The following NDUFA11 variants were observed in gnomAD, a reference collection of about 807,000 sequenced individuals.
The protein encoded by NDUFA11 is NADH:ubiquinone oxidoreductase subunit A11.
In NDUFA11, 14 loss-of-function variants were observed where a neutral mutation model predicts 11.3. That is an observed-to-expected ratio of 1.24 (90% CI 0.82 to 1.94). NDUFA11 has a LOEUF of 1.94. NDUFA11 is among the 30% of genes most tolerant of loss of function. The pLI, the probability that NDUFA11 is intolerant of heterozygous loss-of-function variation, is 0.00. For missense variants in NDUFA11, 204 were observed against 200.3 expected (o/e 1.02, Z -0.11); for synonymous variants, 87 against 85.6 (o/e 1.02, Z -0.09).
Position 5,903,672 on chromosome 19 carries a change from G to A in NDUFA11, c.37C>T (p.Pro13Ser), listed in dbSNP as rs2057660172. 1.3e-6 allele frequency: 2 copies of A among 1,551,424 alleles called. No individual in the cohort carries two copies. Among genetic ancestry groups the A allele is most frequent in the African/African-American group, 1.4e-5 (1 of 73,066 alleles). Residue 13 changes from proline (P) to serine (S), a missense_variant, in exon 1 of 4, where the codon CCC becomes TCC. Transcript: ENST00000308961. ...TTGCGGTGGCAATCGGTGCCATCGG[G>A]GATATCCCAGTACTGACGAAAAACC... ...PKVFRQYWDIPDGTDCHRKAY... is the reference protein window; with the variant it reads ...PKVFRQYWDISDGTDCHRKAY...
At chr19:5,900,250 C>A (rs1474172323) in intron 1 of NDUFA11, among the ~76,000 whole-genome samples, 1 of 152,200 alleles carries the variant, frequency 6.6e-6, no homozygotes, top group African/African-American at 2.4e-5. Flanking sequence ...ACAGTGACCG[C>A]CAGACCCAGT....
intron 1 of NDUFA11, among the ~76,000 whole-genome samples, chr19:5,900,301 TC>T (rs1216345785): frequency 6.6e-6 from 1 of 152,226 alleles, no homozygotes; most frequent in Non-Finnish European, 1.5e-5. Flanking sequence ...ACTCATTCAT[TC>T]ATTCACAAAG....
chr19:5,902,855 A>G (rs1272804001), intron 1 of NDUFA11, among the ~76,000 whole-genome samples: 2 of 152,112 alleles, frequency 1.3e-5, no homozygotes, highest in Admixed American at 1.3e-4. Context: ...CTAAAAATAC[A>G]AAATAATTAG....
chr19:5,901,967 G>A (rs530398019), intron 1 of NDUFA11, among the ~76,000 whole-genome samples: 9 of 146,542 alleles, frequency 6.1e-5, no homozygotes, highest in South Asian at 2.2e-4. Context: ...CACCGCGCCC[G>A]GCTGGTTTTG....
Position 5,894,686 on chromosome 19 carries a change from A to G in NDUFA11, c.*56T>C, listed in dbSNP as rs765727153. The G allele has an allele frequency of 7.4e-5, 117 of 1,588,668 alleles. No individual in the cohort carries two copies. Among genetic ancestry groups the G allele is most frequent in the Non-Finnish European group, 9.6e-5 (112 of 1,167,776 alleles). The stretch of plus-strand genomic sequence containing the variant: ...TCCGGACACTGACACACACACAGAC[A>G]CAGAATTTATTTCTGGACGCATTCT... On this transcript the variant is annotated 3_prime_UTR_variant, in exon 4 of 4. Coordinates refer to ENST00000308961, the MANE Select transcript of NDUFA11 (RefSeq NM_175614.5).
chr19:5,892,909 G>A (rs1357602690), downstream of NDUFA11: 3 of 1,437,230 alleles, frequency 2.1e-6, no homozygotes, highest in Non-Finnish European at 2.7e-6. Flanking sequence ...GACAGAACAA[G>A]GAAAGAATCA....
At chr19:5,892,761 A>G, downstream of NDUFA11, 2 of 1,010,162 alleles carry the variant, frequency 2.0e-6, no homozygotes, top group Non-Finnish European at 1.3e-6. Context: ...GGTGCCCTCG[A>G]GTGGATGCGA....
chr19:5,897,626 C>T (rs1041620364), intron 1 of NDUFA11, among the ~76,000 whole-genome samples: 2 of 152,236 alleles, frequency 1.3e-5, no homozygotes, highest in Non-Finnish European at 2.9e-5. Flanking sequence ...GGCTGCCGCC[C>T]CCGCCACCCA....
chr19:5,894,930 C>T lies in NDUFA11; in HGVS notation c.314-76G>A, dbSNP rs79629452. ...AAGACGCTCCACGCCCTGGCCGGTG[C>T]CCACCCTGGGAGCCAGACTGAGACC... On this transcript the variant is annotated intron_variant, in intron 3 of 3. Coordinates refer to ENST00000308961, the MANE Select transcript of NDUFA11 (RefSeq NM_175614.5). 5.2e-4 allele frequency: 782 copies of T among 1,489,628 alleles called. 8 individuals are homozygous for T. The African/African-American group carries it at 9.5e-3, about 18-fold the overall frequency. The allele number at this position is 1,489,628 out of a possible 1,614,324, so 92.3% of individuals were successfully genotyped here.
At chr19:5,893,307 TAAAAAC>T (rs2057589142), downstream of NDUFA11, 4 of 1,058,118 alleles carry the variant, frequency 3.8e-6, no homozygotes, top group Admixed American at 6.3e-5. This position sits in a 1 kb window ranked among gnomAD's most constrained non-coding sequence, Gnocchi z 4.1. Context: ...AAAATAAAAA[TAAAAAC>T]AATTAGCTGG....
Position 5,896,502 on chromosome 19 carries a change from C to G in NDUFA11, c.264G>C (p.Leu88=). 6.4e-7 allele frequency: 1 copy of G among 1,573,534 alleles called. No homozygotes were observed. The highest frequency in any genetic ancestry group is 8.6e-7 in the Non-Finnish European group (1 of 1,159,792). The change falls in exon 3 of 4, where the codon CTG becomes CTC. Residue 88 remains leucine, a synonymous_variant. Transcript: ENST00000308961. This position sits in a 1 kb window ranked among gnomAD's most constrained non-coding sequence, Gnocchi z 5.8. Reference sequence around the variant, plus strand: ...CGGCGCAGCCACCGAGGAAGTAGTTCAGGGGGTCGTCGGGCTTCTCGCGGA... The same window carrying G: ...CGGCGCAGCCACCGAGGAAGTAGTTGAGGGGGTCGTCGGGCTTCTCGCGGA... ...AHVREKPDDP[L]NYFLGGCAGG...
chr19:5,894,970 C>T, intron 3 of NDUFA11, 116 bp from the exon 4 acceptor site: 2 of 1,161,338 alleles, frequency 1.7e-6, no homozygotes, highest in Non-Finnish European at 2.4e-6. Flanking sequence ...ACAGGACACT[C>T]TCTTCAGGGA....
rs139533672 is a variant in NDUFA11 at position 5,894,810 on chromosome 19, T to C, written c.358A>G (p.Ile120Val). ...IGAAACVYFG[I>V]AASLVKMGRL... ...CCCATCTTGACCAGGGAGGCCGCTATGCCAAAGTACACGCAGGCGGCGGCG... is the reference window on the plus strand; with the variant it reads ...CCCATCTTGACCAGGGAGGCCGCTACGCCAAAGTACACGCAGGCGGCGGCG... Residue 120 changes from isoleucine to valine, a missense_variant, in exon 4 of 4, where the codon ATA becomes GTA. Physicochemically the swap from Ile to Val is conservative, Grantham distance 29. Transcript: ENST00000308961. The C allele has an allele frequency of 1.2e-5, 19 of 1,613,436 alleles. No homozygotes were observed. In the African/African-American group the frequency reaches 2.1e-4, roughly 18 times the overall value.
chr19:5,899,499 G>C (rs2057632034), intron 1 of NDUFA11, among the ~76,000 whole-genome samples: 1 of 126,032 alleles, frequency 7.9e-6, no homozygotes, highest in Non-Finnish European at 1.6e-5. Flanking sequence ...CTGTTGCCCA[G>C]GCTAGAGTGC....
intron 1 of NDUFA11, among the ~76,000 whole-genome samples, chr19:5,899,089 C>G (rs538246871): frequency 6.6e-6 from 1 of 151,902 alleles, no homozygotes; most frequent in Admixed American, 6.6e-5. Flanking sequence ...ACACATCCCC[C>G]CCTTCCAAAT....
At position 5,896,611 on chromosome 19, in the gene NDUFA11, C is replaced by T. The variant is rs974865651; in HGVS notation, c.191-36G>A. 21 of 1,555,124 alleles carry T rather than the reference C, an allele frequency of 1.4e-5. No homozygotes were observed. Among genetic ancestry groups the T allele is most frequent in the East Asian group, 7.3e-5 (3 of 41,332 alleles). On this transcript the variant is annotated intron_variant, in intron 2 of 3. Coordinates refer to ENST00000308961, the MANE Select transcript of NDUFA11 (RefSeq NM_175614.5). This position sits in a 1 kb window ranked among gnomAD's most constrained non-coding sequence, Gnocchi z 5.8. Reference sequence around the variant, plus strand: ...GACGGGAAGAGCAAGGGCCTCGAGACGGGCACAGCAGGAGCCTCTTGGGCG... The same window carrying T: ...GACGGGAAGAGCAAGGGCCTCGAGATGGGCACAGCAGGAGCCTCTTGGGCG...
At chr19:5,894,636 C>T, downstream of NDUFA11, 1 of 1,544,686 alleles carries the variant, frequency 6.5e-7, no homozygotes, top group Non-Finnish European at 8.7e-7. Flanking sequence ...CCCTCACCGG[C>T]TGCTGTGTCG....
At chr19:5,892,763 T>C, downstream of NDUFA11, 1 of 1,030,056 alleles carries the variant, frequency 9.7e-7, no homozygotes, top group Non-Finnish European at 1.3e-6. Flanking sequence ...TGCCCTCGAG[T>C]GGATGCGATG....
chr19:5,892,808 A>C, downstream of NDUFA11: 1 of 1,325,600 alleles, frequency 7.5e-7, no homozygotes, highest in South Asian at 2.0e-5. Flanking sequence ...AGGGAGGTGG[A>C]ATCGTCTTTC....
Sources: gnomAD v4.1 joint callset for allele counts (sites outside exome capture counted in the v4.1 genomes callset) on GRCh38, gnomAD v4.1.1 for gene constraint, Gnocchi (gnomAD v3.1) non-coding constraint, MANE v1.5 for transcripts, NCBI Gene and HGNC (gene_info 2026-07-23, HGNC 2026-07-21) for gene names.